The following ATP13A3 variants were observed in gnomAD, a reference collection of about 807,000 sequenced individuals.
ATP13A3 encodes the protein polyamine-transporting ATPase 13A3.
A neutral mutation model predicts 158.1 loss-of-function variants in ATP13A3; 59 were observed. That is an observed-to-expected ratio of 0.37 (90% CI 0.30 to 0.46). The LOEUF (loss-of-function observed/expected upper bound fraction) is 0.46. Among genes scored for constraint, ATP13A3 ranks in the 20% least tolerant of loss-of-function variants. ATP13A3 has a pLI of 1.00. For missense variants in ATP13A3, 1,166 were observed against 1,525.2 expected, an observed-to-expected ratio of 0.76 and a Z score of 3.92; for synonymous variants, 491 against 504.3, an observed-to-expected ratio of 0.97 and a Z score of 0.35.
intron 16 of ATP13A3, among the ~76,000 whole-genome samples, 184 bp downstream of exon 16, chr3:194,441,127 T>C (rs1489169731): frequency 1.3e-5 from 2 of 152,352 alleles, no homozygotes; most frequent in African/African-American, 4.8e-5. Flanking sequence ...AACTAAAAGT[T>C]ACTTTTGCAT....
chr3:194,459,480 T>C lies in ATP13A3; in HGVS notation c.470A>G (p.Asp157Gly). The C allele has an allele frequency of 6.3e-7, 1 of 1,583,084 alleles. No homozygotes were observed. The highest frequency in any genetic ancestry group is 8.7e-7 in the Non-Finnish European group (1 of 1,152,506). The change falls in exon 6 of 34, where the codon GAT becomes GGT. Residue 157 changes from aspartate to glycine, a missense_variant. Around this residue, in one of 3 missense-constraint regions of ATP13A3, gnomAD observed 997 missense variants for 1,341.2 expected, o/e 0.74. Transcript: ENST00000645319. ...AAAGGAAGATACTTACTTTAAGAAA[T>C]CAAAATTGTGAATGGTATCATTCCA... The part of the protein sequence containing the change: ...YFWNDTIHNF[D>G]FLKGLDEGVS...
In ATP13A3 at chr3:194,436,734, G is replaced by A. The variant is rs150770063; in HGVS notation, c.2120+361C>T. On this transcript the variant is annotated intron_variant, in intron 20 of 33. Coordinates refer to ENST00000645319, the MANE Select transcript of ATP13A3 (RefSeq NM_001367549.1). Reference sequence around the variant, plus strand: ...ATGGCGGCACCCGCCTATAATCCCAGCTACTTGGGAGGATGAGGCACAAGA... The same window carrying A: ...ATGGCGGCACCCGCCTATAATCCCAACTACTTGGGAGGATGAGGCACAAGA... Among the ~76,000 whole-genome samples the A allele has an allele frequency of 4.5e-3, 679 of 152,366 alleles. 1 individual carries two copies. The highest frequency in any genetic ancestry group is 0.016 in the African/African-American group (650 of 41,592).
intron 32 of ATP13A3, 166 bp from the exon 33 acceptor site, chr3:194,412,454 A>G (rs545678689): frequency 1.7e-6 from 1 of 574,718 alleles, no homozygotes; most frequent in South Asian, 2.3e-5. Context: ...GAATGATAGG[A>G]CTTTTGTAAC....
chr3:194,419,366 C>T (rs1307692543), intron 31 of ATP13A3, among the ~76,000 whole-genome samples: 2 of 152,000 alleles, frequency 1.3e-5, no homozygotes, highest in Non-Finnish European at 2.9e-5. Context: ...TTGTCACTGA[C>T]TTGTGCTCAG....
rs1300970305 is a variant in ATP13A3 at position 194,413,984 on chromosome 3, C to T, written c.3403-145G>A. The T allele has an allele frequency of 6.4e-5, 43 of 676,650 alleles. No homozygotes were observed. The East Asian group carries it at 9.4e-4, about 15-fold the overall frequency. The allele number at this position is 676,650 out of a possible 1,614,324, so 41.9% of individuals were successfully genotyped here. ...ATCTACTTAATCCTCAACAATGCCC[C>T]GCGGTATATATTATATTCCCTTTCA... is the stretch of plus-strand genomic sequence containing the variant. On this transcript the variant is annotated intron_variant, in intron 31 of 33. Coordinates refer to ENST00000645319, the MANE Select transcript of ATP13A3 (RefSeq NM_001367549.1).
intron 2 of ATP13A3, among the ~76,000 whole-genome samples, chr3:194,481,563 T>C (rs1032832915): frequency 6.6e-6 from 1 of 152,158 alleles, no homozygotes; most frequent in Non-Finnish European, 1.5e-5. Flanking sequence ...AAATAATCCA[T>C]GATCTCTCCG....
intron 15 of ATP13A3, among the ~76,000 whole-genome samples, chr3:194,442,289 A>T (rs1482317832): frequency 6.6e-6 from 1 of 152,206 alleles, no homozygotes. Flanking sequence ...AGACATAACA[A>T]AGACAGAATT....
At chr3:194,454,819 G>T (rs1163522328) in intron 8 of ATP13A3, among the ~76,000 whole-genome samples, 3 of 141,286 alleles carry the variant, frequency 2.1e-5, no homozygotes, top group South Asian at 4.4e-4. Context: ...GCGAGACTCC[G>T]TCTCAAAAAA....
chr3:194,470,674 T>C (rs1720260690), intron 2 of ATP13A3, among the ~76,000 whole-genome samples: 1 of 152,220 alleles, frequency 6.6e-6, no homozygotes, highest in Admixed American at 6.5e-5. Flanking sequence ...GATTTTCTAT[T>C]TCAATTATTC....
In ATP13A3 at chr3:194,453,750, G is replaced by A; in HGVS notation, c.794C>T (p.Ala265Val). 6.2e-7 allele frequency: 1 copy of A among 1,613,650 alleles called. No homozygotes were observed. Among genetic ancestry groups the A allele is most frequent in the Non-Finnish European group, 8.5e-7 (1 of 1,179,700 alleles). Reference sequence around the variant, plus strand: ...TGAAACTCTTACGGTACTATGAGTTGCCACCATGTCATGCAACATAACATA... The same window carrying A: ...TGAAACTCTTACGGTACTATGAGTTACCACCATGTCATGCAACATAACATA... ...KQYVMLHDMV[A>V]THSTVRVSVC... Residue 265 changes from alanine (A) to valine (V), a missense_variant, in exon 10 of 34, where the codon GCA becomes GTA. Around this residue, in one of 3 missense-constraint regions of ATP13A3, gnomAD observed 997 missense variants for 1,341.2 expected, o/e 0.74. Transcript: ENST00000645319.
intron 17 of ATP13A3, among the ~76,000 whole-genome samples, chr3:194,438,554 C>T (rs1013309093): frequency 1.5e-4 from 23 of 152,140 alleles, no homozygotes; most frequent in African/African-American, 5.1e-4. Flanking sequence ...TTCTGATAAA[C>T]GCAGTTAAAA....
At chr3:194,473,589 C>T (rs1010237895) in intron 2 of ATP13A3, among the ~76,000 whole-genome samples, 2 of 152,004 alleles carry the variant, frequency 1.3e-5, no homozygotes, top group African/African-American at 4.8e-5. Context: ...TAAATTTTGT[C>T]TATGGCCATA....
At chr3:194,432,167 C>A in intron 21 of ATP13A3, 1 of 363,700 alleles carries the variant, frequency 2.7e-6, no homozygotes, top group Non-Finnish European at 4.9e-6. Flanking sequence ...CAGTCATGCA[C>A]TATTTGTATC....
intron 3 of ATP13A3, 137 bp downstream of exon 3, chr3:194,462,003 G>T: frequency 2.6e-6 from 2 of 760,516 alleles, no homozygotes; most frequent in Non-Finnish European, 4.5e-6. Flanking sequence ...CAATTCAAAA[G>T]CACAGGATGA....
chr3:194,451,131 T>C (rs941628111), intron 10 of ATP13A3: 1 of 152,156 alleles, frequency 6.6e-6, no homozygotes, highest in African/African-American at 2.4e-5. Context: ...TTGTTTGTGA[T>C]GTTAGCCTGT....
chr3:194,493,476 G>A (rs1051209106), intron 2 of ATP13A3, among the ~76,000 whole-genome samples: 2 of 151,760 alleles, frequency 1.3e-5, no homozygotes, highest in Non-Finnish European at 2.9e-5. Flanking sequence ...ATGAAACCCC[G>A]TCTCTACCAA....
At chr3:194,439,097 G>A in intron 16 of ATP13A3, 125 bp from the exon 17 acceptor site, 1 of 571,744 alleles carries the variant, frequency 1.7e-6, no homozygotes, top group East Asian at 3.1e-5. Flanking sequence ...TAAAAAAAAT[G>A]TATGTCCAAG....
intron 16 of ATP13A3, among the ~76,000 whole-genome samples, chr3:194,440,213 C>A (rs575712785): frequency 6.6e-6 from 1 of 152,212 alleles, no homozygotes; most frequent in Admixed American, 6.5e-5. Flanking sequence ...GAAACAGTAG[C>A]CCAGAACAAA....
At position 194,405,089 on chromosome 3, in the gene ATP13A3, C is replaced by T. The variant is rs1382239594; in HGVS notation, c.*830G>A. The T allele has an allele frequency of 6.6e-6, 1 of 152,028 alleles. No individual in the cohort carries two copies. 9.4% of individuals were successfully genotyped at this position (152,028 alleles called of 1,614,324 possible). Reference sequence around the variant, plus strand: ...CCTGACAGAAACAAATTTGAAGAAACGTTAAAAGATGAATCTACATCTACT... The same window carrying T: ...CCTGACAGAAACAAATTTGAAGAAATGTTAAAAGATGAATCTACATCTACT... On this transcript the variant is annotated 3_prime_UTR_variant, in exon 34 of 34. Transcript: ENST00000645319.
Sources: allele counts gnomAD v4.1 joint callset (sites outside exome capture counted in the v4.1 genomes callset), GRCh38; gene constraint gnomAD v4.1.1; regional missense constraint gnomAD v4.1.1; transcripts MANE v1.5; gene names NCBI Gene and HGNC (gene_info 2026-07-23, HGNC 2026-07-21).